Variants in HOMER2 observed in about 807,000 individuals in gnomAD.
The protein encoded by HOMER2 is homer scaffold protein 2, also known as homer protein homolog 2.
A neutral mutation model predicts 47.0 loss-of-function variants in HOMER2; 27 were observed. The ratio of observed to expected loss-of-function variants is 0.57; its 90% confidence interval spans 0.42 to 0.79. HOMER2 has a LOEUF of 0.79. Among genes scored for constraint, HOMER2 ranks in the 30% least tolerant of loss-of-function variants. The probability of loss-of-function intolerance (pLI) is 0.00; values close to 1 mark genes in which losing one functional copy is unlikely to be tolerated. For synonymous variants in HOMER2, 161 were observed against 163.8 expected (o/e 0.98, Z 0.13); for missense variants, 443 against 435.0 (o/e 1.02, Z -0.16).
intron 2 of HOMER2, among the ~76,000 whole-genome samples, chr15:82,889,879 A>C (rs948510375): frequency 9.9e-5 from 15 of 152,200 alleles, no homozygotes; most frequent in African/African-American, 3.4e-4. Flanking sequence ...CAGGTTCTCC[A>C]GACAGGATAC....
At chr15:82,897,065 C>CTTCTTT (rs2052949821) in intron 1 of HOMER2, among the ~76,000 whole-genome samples, 1 of 101,828 alleles carries the variant, frequency 9.8e-6, no homozygotes, top group Non-Finnish European at 1.8e-5. Context: ...GATGTCATTT[C>CTTCTTT]TTTTTTTTTT....
intron 1 of HOMER2, among the ~76,000 whole-genome samples, chr15:82,923,411 T>A (rs144514041): frequency 0.011 from 1,629 of 146,958 alleles, 8 homozygotes; most frequent in Non-Finnish European, 0.016. Context: ...TGCTTGAACC[T>A]GGGAGGTGGA....
At chr15:82,929,880 G>A (rs535473783) in intron 1 of HOMER2, among the ~76,000 whole-genome samples, 3 of 151,858 alleles carry the variant, frequency 2.0e-5, no homozygotes, top group African/African-American at 7.2e-5. Flanking sequence ...ACAGGCATGT[G>A]CCACCACGCC....
chr15:82,873,431 C>T (rs1256448), intron 3 of HOMER2, among the ~76,000 whole-genome samples: 78,736 of 152,056 alleles, frequency 0.52, 20,763 homozygotes, highest in East Asian at 0.62. Context: ...AGTGAAGCAA[C>T]AGTGATTGCC....
chr15:82,906,205 G>A (rs966360907), intron 1 of HOMER2, among the ~76,000 whole-genome samples: 4 of 152,006 alleles, frequency 2.6e-5, no homozygotes, highest in Non-Finnish European at 5.9e-5. Flanking sequence ...TAAGAAAGGA[G>A]AAGAAATAGA....
intron 3 of HOMER2, among the ~76,000 whole-genome samples, chr15:82,868,523 TTATATA>T (rs1244361918): frequency 2.7e-5 from 1 of 36,646 alleles, no homozygotes; most frequent in East Asian, 9.9e-4. Flanking sequence ...CTTATTTATT[TTATATA>T]TATATATATA....
At chr15:82,984,106 C>T (rs1724933118) in intron 1 of HOMER2, among the ~76,000 whole-genome samples, 2 of 150,946 alleles carry the variant, frequency 1.3e-5, no homozygotes, top group South Asian at 2.1e-4. Flanking sequence ...AATCTCTGCT[C>T]ACTGCAAGCT....
At chr15:82,857,389 G>A (rs543441481) in intron 5 of HOMER2, among the ~76,000 whole-genome samples, 1 of 147,110 alleles carries the variant, frequency 6.8e-6, no homozygotes, top group Admixed American at 6.7e-5. Flanking sequence ...TGTTATAGCA[G>A]CCTGAGCTAA....
At chr15:82,897,355 C>T (rs1274069814) in intron 1 of HOMER2, among the ~76,000 whole-genome samples, 1 of 152,116 alleles carries the variant, frequency 6.6e-6, no homozygotes, top group African/African-American at 2.4e-5. Context: ...TGAGCCACTG[C>T]ACCCAGCAAT....
intron 5 of HOMER2, 32 bp from the exon 6 acceptor site, chr15:82,854,832 G>C: frequency 6.3e-7 from 1 of 1,595,100 alleles, no homozygotes; most frequent in Non-Finnish European, 8.5e-7. Flanking sequence ...TGACGACGGG[G>C]TGGGTGCTGT....
At chr15:82,839,097 G>GGA (rs1555416242) in exon 2 of HOMER2, 1 of 149,260 alleles carries the variant, frequency 6.7e-6, no homozygotes, top group Non-Finnish European at 1.5e-5. Context: ...TGACTCTACA[G>GGA]AAAAAAAAAA....
intron 2 of HOMER2, among the ~76,000 whole-genome samples, chr15:82,891,972 C>A (rs2052722942): frequency 6.6e-6 from 1 of 151,164 alleles, no homozygotes; most frequent in Admixed American, 6.6e-5. Context: ...GACAGAAAAC[C>A]AGCAGGTCTA....
At chr15:82,975,080 GAC>G (rs970492261) in intron 1 of HOMER2, among the ~76,000 whole-genome samples, 13 of 151,892 alleles carry the variant, frequency 8.6e-5, no homozygotes, top group African/African-American at 3.1e-4. Context: ...AGAAAAAAAA[GAC>G]ACACAAATGG....
intron 1 of HOMER2, among the ~76,000 whole-genome samples, chr15:82,898,101 A>C (rs1002305875): frequency 6.6e-6 from 1 of 152,232 alleles, no homozygotes; most frequent in Non-Finnish European, 1.5e-5. Flanking sequence ...AGAAAATCAA[A>C]GGTCACAGGA....
intron 2 of HOMER2, among the ~76,000 whole-genome samples, chr15:82,889,761 T>C (rs1485307919): frequency 6.6e-6 from 1 of 152,112 alleles, no homozygotes; most frequent in Non-Finnish European, 1.5e-5. Context: ...AGGCACAGGG[T>C]ATGATCTAGA....
chr15:82,944,855 G>T (rs984191544), intron 1 of HOMER2, among the ~76,000 whole-genome samples: 1 of 151,966 alleles, frequency 6.6e-6, no homozygotes, highest in Non-Finnish European at 1.5e-5. Context: ...TTTGAAGGAG[G>T]GGGTGTGATA....
chr15:82,957,681 C>T (rs531875489), upstream of HOMER2, among the ~76,000 whole-genome samples: 7 of 152,208 alleles, frequency 4.6e-5, no homozygotes, highest in East Asian at 1.4e-3. Flanking sequence ...AGCCCTAGCC[C>T]CTGCTGTTTC....
intron 1 of HOMER2, among the ~76,000 whole-genome samples, chr15:82,904,838 C>T (rs758073970): frequency 1.3e-5 from 2 of 152,102 alleles, no homozygotes; most frequent in Non-Finnish European, 2.9e-5. Context: ...GTTCCCTTCA[C>T]CCAGGACAGC....
chr15:82,892,356 T>C (rs8038679), intron 2 of HOMER2, among the ~76,000 whole-genome samples: 27,057 of 152,110 alleles, frequency 0.18, 2,752 homozygotes, highest in South Asian at 0.38. Flanking sequence ...ATGTGAACAA[T>C]TGAGGATATT....
Sources: allele counts gnomAD v4.1 joint callset (sites outside exome capture counted in the v4.1 genomes callset), GRCh38; gene constraint gnomAD v4.1.1; transcripts MANE v1.5; gene names NCBI Gene and HGNC (gene_info 2026-07-23, HGNC 2026-07-21).